Variants in HMCN1 observed in about 807,000 individuals in gnomAD.
HMCN1 encodes the protein hemicentin-1.
In HMCN1, 321 loss-of-function variants were observed where a neutral mutation model predicts 625.9. The ratio of observed to expected loss-of-function variants is 0.51; its 90% confidence interval spans 0.47 to 0.56. The LOEUF is 0.56. Ranked by LOEUF, HMCN1 falls within the 20% of genes least tolerant of loss-of-function variation. HMCN1 has a pLI of 0.00. For missense variants in HMCN1, 6,588 were observed against 6,887.3 expected (o/e 0.96, Z 1.54); for synonymous variants, 2,425 against 2,417.6 (o/e 1.00, Z -0.09).
At position 185,898,157 on chromosome 1, in the gene HMCN1, G is replaced by A. The variant is rs115810726; in HGVS notation, c.622-11180G>A. On this transcript the variant is annotated intron_variant, in intron 4 of 106. Coordinates refer to ENST00000271588, the MANE Select transcript of HMCN1 (RefSeq NM_031935.3). The stretch of plus-strand genomic sequence containing the variant: ...GTAGAGGGAGCTTTCACCTATGGGC[G>A]TAATACAGAGAACAGGACTTGGATG... Among the ~76,000 whole-genome samples, 502 of 152,240 alleles carry A rather than the reference G, an allele frequency of 3.3e-3. 1 individual carries two copies. The highest frequency in any genetic ancestry group is 0.011 in the African/African-American group (459 of 41,550).
chr1:186,144,417 AATCT>A (rs1650154998), intron 90 of HMCN1, 74 bp downstream of exon 90: 1 of 1,600,910 alleles, frequency 6.2e-7, no homozygotes, highest in Non-Finnish European at 8.6e-7. Context: ...TGTCAACAAG[AATCT>A]ATCCCATTCT....
chr1:186,097,648 A>G (rs886319098), intron 68 of HMCN1, among the ~76,000 whole-genome samples: 3 of 152,166 alleles, frequency 2.0e-5, no homozygotes, highest in African/African-American at 7.2e-5. Flanking sequence ...ATCAGATTCA[A>G]TGCAATTTCT....
chr1:186,145,294 T>G, intron 91 of HMCN1, 109 bp from the exon 92 acceptor site: 1 of 1,101,642 alleles, frequency 9.1e-7, no homozygotes, highest in South Asian at 1.7e-5. Flanking sequence ...TGTTTTGTTT[T>G]AGGTGCTGAG....
intron 1 of HMCN1, among the ~76,000 whole-genome samples, chr1:185,844,627 C>T (rs969118348): frequency 2.0e-5 from 3 of 152,206 alleles, no homozygotes; most frequent in South Asian, 4.1e-4. Context: ...TGTAGTTGCA[C>T]GTTATAGTTT....
In HMCN1 at chr1:186,144,655, G is replaced by A. The variant is rs749574546; in HGVS notation, c.14218G>A (p.Glu4740Lys). The A allele has an allele frequency of 5.6e-6, 9 of 1,614,142 alleles. No homozygotes were observed. The highest frequency in any genetic ancestry group is 4.5e-5 in the East Asian group (2 of 44,872). The change falls in exon 91 of 107, where the codon GAA becomes AAA. Residue 4740 changes from glutamate to lysine, a missense_variant. Transcript: ENST00000271588. ...PVPQYGGRKC[E>K]GSDVQSDFCN... The stretch of plus-strand genomic sequence containing the variant: ...GCCCCAGTATGGAGGAAGGAAATGC[G>A]AAGGGAGTGATGTCCAGAGTGATTT...
At chr1:185,892,594 C>G (rs912047073) in intron 4 of HMCN1, among the ~76,000 whole-genome samples, 1 of 152,124 alleles carries the variant, frequency 6.6e-6, no homozygotes, top group Admixed American at 6.5e-5. Flanking sequence ...TGTGCCCCTG[C>G]TGGAGGGTGC....
chr1:185,924,462 G>A (rs1667171862), intron 8 of HMCN1, among the ~76,000 whole-genome samples: 1 of 151,820 alleles, frequency 6.6e-6, no homozygotes, highest in African/African-American at 2.4e-5. Flanking sequence ...ATTAGGTGGA[G>A]GGACGAAAAT....
chr1:186,145,655 T>C, intron 92 of HMCN1, 82 bp downstream of exon 92: 1 of 1,610,822 alleles, frequency 6.2e-7, no homozygotes, highest in South Asian at 1.1e-5. Context: ...GCTTCAGACC[T>C]TAAAATGAAA....
chr1:185,993,481 C>A, intron 23 of HMCN1, 172 bp downstream of exon 23: 1 of 647,034 alleles, frequency 1.5e-6, no homozygotes, highest in East Asian at 3.0e-5. Flanking sequence ...AAAAGTCTTC[C>A]TGCTATTTAT....
chr1:185,738,848 T>G (rs1653778146), intron 1 of HMCN1, among the ~76,000 whole-genome samples: 1 of 152,244 alleles, frequency 6.6e-6, no homozygotes, highest in African/African-American at 2.4e-5. Context: ...ATTTTCTTTA[T>G]GTAGCATACA....
rs566208629 is a variant in HMCN1, at chr1:186,136,778, C to T, written c.13423C>T (p.Arg4475Cys). The change falls in exon 87 of 107, where the codon CGT (arginine) becomes TGT (cysteine). Residue 4475 changes from arginine (R) to cysteine (C), a missense_variant. Arg to Cys is a radical substitution (Grantham distance 180). This residue lies in a region of HMCN1 where 1,954 missense variants were observed against 2,013.1 expected (regional missense o/e 0.97). Transcript: ENST00000271588. The stretch of plus-strand genomic sequence containing the variant: ...GCCTCAACCAACCATTACATGGTCC[C>T]GTCAAGGGCACTCTATTTCCTGGGA... ...GEPQPTITWS[R>C]QGHSISWDDR... The T allele has an allele frequency of 4.7e-5, 76 of 1,613,974 alleles. No individual in the cohort carries two copies. Among genetic ancestry groups the T allele is most frequent in the South Asian group, 3.7e-4 (34 of 91,080 alleles).
intron 2 of HMCN1, among the ~76,000 whole-genome samples, chr1:185,863,446 G>T (rs868129623): frequency 8.5e-5 from 13 of 152,192 alleles, no homozygotes; most frequent in African/African-American, 2.7e-4. Context: ...TTATAATGGA[G>T]AAGTAAAATT....
intron 1 of HMCN1, among the ~76,000 whole-genome samples, chr1:185,750,006 C>G (rs1293299843): frequency 6.6e-6 from 1 of 152,180 alleles, no homozygotes; most frequent in Non-Finnish European, 1.5e-5. Context: ...CCCTGATTAC[C>G]CACCTAACAT....
rs746416910 is a variant in HMCN1 at position 186,128,195 on chromosome 1, T to A, written c.12808T>A (p.Ser4270Thr). 1.2e-6 allele frequency: 2 copies of A among 1,613,704 alleles called. No individual in the cohort carries two copies. The highest frequency in any genetic ancestry group is 2.2e-5 in the South Asian group (2 of 91,070). Residue 4270 changes from serine (S) to threonine (T), a missense_variant, in exon 83 of 107, where the codon TCA (serine) becomes ACA (threonine). Around this residue, in one of 3 missense-constraint regions of HMCN1, gnomAD observed 1,954 missense variants for 2,013.1 expected, o/e 0.97. Coordinates refer to ENST00000271588, the MANE Select transcript of HMCN1 (RefSeq NM_031935.3). ...TTTTACTGAACTTCCTGGAGACGTG[T>A]CATTAAATAAAGGAGAACAGCTACG... ...PTFTELPGDV[S>T]LNKGEQLRLS...
chr1:186,170,130 G>T (rs528955178), intron 100 of HMCN1, among the ~76,000 whole-genome samples: 1 of 152,206 alleles, frequency 6.6e-6, no homozygotes, highest in East Asian at 1.9e-4. Flanking sequence ...ACCATCTTAC[G>T]CAAGTTAGAA....
intron 23 of HMCN1, 137 bp from the exon 24 acceptor site, chr1:185,994,678 T>A (rs762987169): frequency 1.6e-5 from 13 of 810,060 alleles, no homozygotes; most frequent in Non-Finnish European, 2.3e-5. Context: ...AGCTAGTGAA[T>A]GATCCGAGCC....
In HMCN1 at chr1:185,970,459, A is replaced by C; in HGVS notation, c.2337A>C (p.Gly779=). 1 of 1,613,984 alleles carries C rather than the reference A, an allele frequency of 6.2e-7. No individual in the cohort carries two copies. The highest frequency in any genetic ancestry group is 8.5e-7 in the Non-Finnish European group (1 of 1,179,856). ...DYTCVAINEA[G]RATGKITLDV... ...CCTGTGTAGCCATCAATGAGGCTGGAAGAGCAACTGGCAAGATAACTCTGG... is the reference window on the plus strand; with the variant it reads ...CCTGTGTAGCCATCAATGAGGCTGGCAGAGCAACTGGCAAGATAACTCTGG... The change falls in exon 15 of 107, where the codon GGA becomes GGC. Residue 779 remains glycine, a synonymous_variant. Coordinates refer to ENST00000271588, the MANE Select transcript of HMCN1 (RefSeq NM_031935.3).
intron 2 of HMCN1, among the ~76,000 whole-genome samples, chr1:185,862,765 G>A (rs1662949743): frequency 6.6e-6 from 1 of 152,080 alleles, no homozygotes; most frequent in Non-Finnish European, 1.5e-5. Flanking sequence ...TAACATTTTG[G>A]GGAATCTATG....
At chr1:185,738,654 G>A (rs892905738) in intron 1 of HMCN1, among the ~76,000 whole-genome samples, 13 of 152,128 alleles carry the variant, frequency 8.5e-5, no homozygotes, top group South Asian at 2.1e-4. Flanking sequence ...CAAAGCAGCT[G>A]TACCATTTTA....
Sources: allele counts gnomAD v4.1 joint callset (sites outside exome capture counted in the v4.1 genomes callset), GRCh38; gene constraint gnomAD v4.1.1; regional missense constraint gnomAD v4.1.1; transcripts MANE v1.5; gene names NCBI Gene and HGNC (gene_info 2026-07-23, HGNC 2026-07-21).